FLI1: variants seen among roughly 807,000 people sequenced by gnomAD.
FLI1 encodes the protein Friend leukemia integration 1 transcription factor.
Under a neutral mutation model 53.1 loss-of-function variants are expected in FLI1, and 13 were observed. That is an observed-to-expected ratio of 0.24 (90% confidence interval 0.16 to 0.39). The LOEUF is 0.39. FLI1 is among the 10% of genes least tolerant of loss of function. The pLI is 1.00. For missense variants in FLI1, 424 were observed against 600.5 expected, an observed-to-expected ratio of 0.71 and a Z score of 3.07; for synonymous variants, 244 against 236.7, an observed-to-expected ratio of 1.03 and a Z score of -0.28.
intron 4 of FLI1, among the ~76,000 whole-genome samples, chr11:128,780,010 A>C (rs1941858911): frequency 1.3e-5 from 2 of 152,228 alleles, no homozygotes; most frequent in Admixed American, 1.3e-4. Flanking sequence ...CAGTAAAAAT[A>C]CACTATTACC....
intron 3 of FLI1, among the ~76,000 whole-genome samples, chr11:128,769,974 C>T (rs933493789): frequency 6.6e-6 from 1 of 152,168 alleles, no homozygotes; most frequent in East Asian, 1.9e-4. Context: ...GTTTCAAACT[C>T]CCCTGCTTCA....
intron 1 of FLI1, among the ~76,000 whole-genome samples, chr11:128,728,783 GGTAAAC>G (rs1939579620): frequency 2.6e-5 from 4 of 152,224 alleles, no homozygotes; most frequent in African/African-American, 9.6e-5. Flanking sequence ...CTGAGTATCA[GGTAAAC>G]CTGCCTTGGC....
At chr11:128,751,358 C>CT (rs55904040) in intron 1 of FLI1, among the ~76,000 whole-genome samples, 2,091 of 142,592 alleles carry the variant, frequency 0.015, 45 homozygotes, top group African/African-American at 0.044. Context: ...TTTTTTTTAA[C>CT]TTTTTTTTTT....
chr11:128,809,222 T>A lies in FLI1; in HGVS notation c.829+18T>A. ...CAACCCTGGTGAGTTTACCTTGGCCTGCAAGCCTTTTTTGCCAGAATGTTT... is the reference window on the plus strand; with the variant it reads ...CAACCCTGGTGAGTTTACCTTGGCCAGCAAGCCTTTTTTGCCAGAATGTTT... On this transcript the variant is annotated intron_variant, in intron 8 of 8. Transcript: ENST00000527786. 6.2e-7 allele frequency: 1 copy of A among 1,611,988 alleles called. No homozygotes were observed. Among genetic ancestry groups the A allele is most frequent in the Non-Finnish European group, 8.5e-7 (1 of 1,178,026 alleles).
chr11:128,698,318 C>G (rs531626993), intron 1 of FLI1, among the ~76,000 whole-genome samples: 108 of 152,302 alleles, frequency 7.1e-4, no homozygotes, highest in African/African-American at 2.5e-3. Flanking sequence ...GACAAGATGG[C>G]CTCTGTCTAT....
intron 1 of FLI1, among the ~76,000 whole-genome samples, chr11:128,755,629 A>C (rs1029959697): frequency 3.3e-5 from 5 of 152,366 alleles, no homozygotes; most frequent in Admixed American, 2.6e-4. Flanking sequence ...CTCTAGCTGA[A>C]ATCAAGAGTG....
At chr11:128,712,984 A>G (rs975404307) in intron 1 of FLI1, among the ~76,000 whole-genome samples, 19 of 152,196 alleles carry the variant, frequency 1.2e-4, no homozygotes, top group Admixed American at 4.6e-4. Context: ...TTCATTACTG[A>G]GGTCTCGCTA....
chr11:128,685,624 G>A (rs1336745940), upstream of FLI1, among the ~76,000 whole-genome samples: 1 of 151,578 alleles, frequency 6.6e-6, no homozygotes, highest in African/African-American at 2.4e-5. Context: ...GTGCGCCTGG[G>A]CGGAGGCGGC....
intron 3 of FLI1, among the ~76,000 whole-genome samples, chr11:128,772,283 G>A (rs1402431208): frequency 6.6e-6 from 1 of 152,160 alleles, no homozygotes; most frequent in Non-Finnish European, 1.5e-5. Context: ...GAAAAATCTA[G>A]TTTGGGTTTC....
intron 1 of FLI1, among the ~76,000 whole-genome samples, chr11:128,742,043 C>T (rs1302796234): frequency 1.3e-5 from 2 of 151,882 alleles, no homozygotes; most frequent in African/African-American, 4.9e-5. Context: ...ATATTTAATT[C>T]AGACTCTTTT....
At chr11:128,709,175 G>A (rs1436772007) in intron 1 of FLI1, among the ~76,000 whole-genome samples, 1 of 152,080 alleles carries the variant, frequency 6.6e-6, no homozygotes, top group Non-Finnish European at 1.5e-5. Flanking sequence ...TAGTAGTACT[G>A]GTAGTAATAA....
intron 1 of FLI1, among the ~76,000 whole-genome samples, chr11:128,699,001 T>G (rs1481944063): frequency 4.6e-5 from 7 of 152,172 alleles, no homozygotes; most frequent in Non-Finnish European, 1.0e-4. Context: ...TATAGTAGTT[T>G]ACTGAAATAC....
chr11:128,695,320 C>T (rs921235673), intron 1 of FLI1, among the ~76,000 whole-genome samples: 17 of 152,248 alleles, frequency 1.1e-4, no homozygotes, highest in Non-Finnish European at 1.9e-4. Flanking sequence ...CCTAACGTGA[C>T]GGGCCTTAGA....
chr11:128,772,064 A>C (rs1941583628), intron 3 of FLI1, among the ~76,000 whole-genome samples: 1 of 151,094 alleles, frequency 6.6e-6, no homozygotes, highest in African/African-American at 2.4e-5. Flanking sequence ...ACACACACAC[A>C]CACACACACA....
intron 1 of FLI1, among the ~76,000 whole-genome samples, chr11:128,699,166 G>A (rs768209831): frequency 6.6e-6 from 1 of 152,154 alleles, no homozygotes; most frequent in Non-Finnish European, 1.5e-5. Flanking sequence ...AATAACAATT[G>A]CATTAAAAAA....
chr11:128,802,357 C>G (rs1405220752), intron 5 of FLI1, among the ~76,000 whole-genome samples: 2 of 152,186 alleles, frequency 1.3e-5, no homozygotes, highest in African/African-American at 2.4e-5. Flanking sequence ...TCAGGCTGTC[C>G]TTTGTGCAGC....
chr11:128,723,576 A>G (rs936596972), intron 1 of FLI1, among the ~76,000 whole-genome samples: 6 of 152,246 alleles, frequency 3.9e-5, no homozygotes. Flanking sequence ...CATATGGGAA[A>G]GAAAGGGGAA....
At position 128,811,268 on chromosome 11, in the gene FLI1, G is replaced by A. The variant is rs569932015; in HGVS notation, c.*280G>A. On this transcript the variant is annotated 3_prime_UTR_variant, in exon 9 of 9. Transcript: ENST00000527786. ...TTGTGAGTTGCATATTAAGATTACT[G>A]GAATGGTTAAGTCATGGTTCTGAGA... is the stretch of plus-strand genomic sequence containing the variant. The A allele has an allele frequency of 3.1e-5, 15 of 485,068 alleles. 1 individual carries two copies. The South Asian group carries it at 3.9e-4, about 13-fold the overall frequency. 30.0% of individuals were successfully genotyped at this position (485,068 alleles called of 1,614,324 possible).
At chr11:128,717,760 C>T (rs1939080675) in intron 1 of FLI1, among the ~76,000 whole-genome samples, 1 of 152,158 alleles carries the variant, frequency 6.6e-6, no homozygotes, top group Non-Finnish European at 1.5e-5. Flanking sequence ...GTCAGTAACC[C>T]CTGCATGCCT....
Sources: gnomAD v4.1 joint callset for allele counts (sites outside exome capture counted in the v4.1 genomes callset) on GRCh38, gnomAD v4.1.1 for gene constraint, MANE v1.5 for transcripts, NCBI Gene and HGNC (gene_info 2026-07-23, HGNC 2026-07-21) for gene names.